The following KIF1A variants were observed in gnomAD, a reference collection of about 807,000 sequenced individuals.
KIF1A encodes the protein kinesin family member 1A, also known as kinesin-like protein KIF1A.
KIF1A carries 46 observed loss-of-function variants against 227.3 expected under a neutral mutation model. The observed-to-expected ratio is 0.20, with a 90% CI of 0.16 to 0.26. KIF1A has a LOEUF of 0.26. Among genes scored for constraint, KIF1A ranks in the 10% least tolerant of loss-of-function variants. KIF1A has a pLI of 1.00. For synonymous variants in KIF1A, 1,022 were observed against 1,012.8 expected (o/e 1.01, Z -0.17); for missense variants, 1,683 against 2,485.9 (o/e 0.68, Z 6.87).
At chr2:240,719,671 A>G (rs1206031160) in intron 46 of KIF1A, 103 bp downstream of exon 46, 8 of 1,316,234 alleles carry the variant, frequency 6.1e-6, no homozygotes, top group Non-Finnish European at 8.1e-6. Flanking sequence ...TGTCTCCCCA[A>G]GTATGAGGGT....
At chr2:240,794,252 C>T (rs1000551556) in intron 2 of KIF1A, among the ~76,000 whole-genome samples, 17 of 152,360 alleles carry the variant, frequency 1.1e-4, no homozygotes, top group Admixed American at 1.0e-3. Flanking sequence ...GACATAGCTT[C>T]CAGCACTTTC....
intron 1 of KIF1A, among the ~76,000 whole-genome samples, chr2:240,802,662 T>G (rs1177744611): frequency 2.6e-5 from 4 of 152,224 alleles, no homozygotes; most frequent in African/African-American, 9.6e-5. Context: ...TGAGACCGGG[T>G]CTCCTGTCTC....
At chr2:240,817,094 T>A (rs1559552908) in intron 1 of KIF1A, among the ~76,000 whole-genome samples, 1 of 152,206 alleles carries the variant, frequency 6.6e-6, no homozygotes, top group Non-Finnish European at 1.5e-5. Context: ...GCCAAAGGAC[T>A]GGGATGCAAA....
At chr2:240,808,150 C>T (rs1229109815) in intron 1 of KIF1A, among the ~76,000 whole-genome samples, 2 of 152,234 alleles carry the variant, frequency 1.3e-5, no homozygotes, top group Admixed American at 1.3e-4. Context: ...TCTGGCCAAA[C>T]CAGTAAGACA....
chr2:240,771,733 T>C (rs2052021347), intron 14 of KIF1A, among the ~76,000 whole-genome samples: 1 of 151,912 alleles, frequency 6.6e-6, no homozygotes, highest in East Asian at 1.9e-4. Flanking sequence ...CCCACTGACA[T>C]GGAAATTGGC....
At chr2:240,787,451 C>G in intron 4 of KIF1A, 135 bp from the exon 5 acceptor site, 2 of 742,908 alleles carry the variant, frequency 2.7e-6, no homozygotes, top group East Asian at 5.2e-5. Flanking sequence ...TCACCACACA[C>G]GTCATGGTAA....
At chr2:240,787,106 C>T (rs2055037000) in intron 5 of KIF1A, 145 bp downstream of exon 5, 15 of 685,970 alleles carry the variant, frequency 2.2e-5, no homozygotes, top group South Asian at 2.0e-4. Context: ...CCAGGCCCGC[C>T]GTCTTGCCTG....
chr2:240,765,372 CA>C (rs2051041303), intron 20 of KIF1A, among the ~76,000 whole-genome samples: 1 of 152,268 alleles, frequency 6.6e-6, no homozygotes, highest in Non-Finnish European at 1.5e-5. Context: ...CTGTATCCCC[CA>C]GACCAGCCCG....
chr2:240,740,279 G>C lies in KIF1A; in HGVS notation c.3816+19C>G. On this transcript the variant is annotated intron_variant, in intron 36 of 48. Transcript: ENST00000498729. This position sits in a 1 kb window ranked among gnomAD's most constrained non-coding sequence, Gnocchi z 6.1. The stretch of plus-strand genomic sequence containing the variant: ...GGGGGAGGGGACACAGGCAGGGTAG[G>C]GGCAAGAGGGGCTCACACCTGGTGG... 2 of 1,609,666 alleles carry C rather than the reference G, an allele frequency of 1.2e-6. No homozygotes were observed. The highest frequency in any genetic ancestry group is 1.7e-6 in the Non-Finnish European group (2 of 1,177,154).
At chr2:240,787,550 C>T (rs1316799986) in intron 4 of KIF1A, among the ~76,000 whole-genome samples, 2 of 152,308 alleles carry the variant, frequency 1.3e-5, no homozygotes, top group East Asian at 3.9e-4. Flanking sequence ...GCCCCTCCCC[C>T]TGGCTCTGCC....
rs1303500005 is a variant in KIF1A, at chr2:240,788,574, CAG to C, written c.184-346_184-345del. On this transcript the variant is annotated intron_variant, in intron 3 of 48. Transcript: ENST00000498729. The surrounding 1 kb of genome is among the most constrained non-coding windows in gnomAD (Gnocchi z 6.6). Reference sequence around the variant, plus strand: ...GGGTGACAAGAGCTGAGACTGGGGACAGGGTGCAAAGGCCCAGAGACCCCACA... The same window carrying C: ...GGGTGACAAGAGCTGAGACTGGGGACGGTGCAAAGGCCCAGAGACCCCACA... Among the ~76,000 whole-genome samples the C allele has an allele frequency of 6.6e-6, 1 of 152,064 alleles. No individual in the cohort carries two copies. The highest frequency in any genetic ancestry group is 2.4e-5 in the African/African-American group (1 of 41,398).
At chr2:240,728,304 A>G (rs1394782370) in intron 38 of KIF1A, 3 of 842,580 alleles carry the variant, frequency 3.6e-6, no homozygotes, top group East Asian at 1.3e-4. Flanking sequence ...AGGGCATAGA[A>G]GCAGGCAGAC....
intron 46 of KIF1A, 29 bp from the exon 47 acceptor site, chr2:240,719,227 G>C: frequency 6.3e-7 from 1 of 1,580,758 alleles, no homozygotes; most frequent in Non-Finnish European, 8.6e-7. Flanking sequence ...GCTCGCTGGG[G>C]CCCTCGGTGG....
Position 240,769,683 on chromosome 2 carries a change from C to A in KIF1A, c.1365G>T (p.Glu455Asp). The change falls in exon 16 of 49, where the codon GAG becomes GAT. Residue 455 changes from glutamate to aspartate, a missense_variant. By Grantham distance (45) the Glu-to-Asp change is conservative. This residue lies in a region of KIF1A where 110 missense variants were observed against 133.1 expected (regional missense o/e 0.83). Coordinates refer to ENST00000498729, the MANE Select transcript of KIF1A (RefSeq NM_001244008.2). ...GCTTCTCCTCCCAGGTCTCATTGAG[C>A]TCAGCTATGATCTTCTCTGTTTCCT... Reference protein sequence around the residue: ...RLKETEKIIAELNETWEEKLR... With the variant: ...RLKETEKIIADLNETWEEKLR... The A allele has an allele frequency of 6.2e-7, 1 of 1,613,616 alleles. No individual in the cohort carries two copies. The highest frequency in any genetic ancestry group is 8.5e-7 in the Non-Finnish European group (1 of 1,179,792).
In KIF1A at chr2:240,757,222, C is replaced by A; in HGVS notation, c.2858+97G>T. On this transcript the variant is annotated intron_variant, in intron 27 of 48. Transcript: ENST00000498729. This position sits in a 1 kb window ranked among gnomAD's most constrained non-coding sequence, Gnocchi z 6.2. ...ACCTGCCTCGCCTGCCCTGGGAGGGCCCGGGCCAGGCCCCAGCGGTTCCTC... is the reference window on the plus strand; with the variant it reads ...ACCTGCCTCGCCTGCCCTGGGAGGGACCGGGCCAGGCCCCAGCGGTTCCTC... The A allele has an allele frequency of 7.8e-7, 1 of 1,284,832 alleles. No homozygotes were observed. Among genetic ancestry groups the A allele is most frequent in the South Asian group, 1.4e-5 (1 of 70,502 alleles). 79.6% of individuals were successfully genotyped at this position (1,284,832 alleles called of 1,614,324 possible).
At chr2:240,800,240 T>C (rs924461302) in intron 1 of KIF1A, among the ~76,000 whole-genome samples, 5 of 151,986 alleles carry the variant, frequency 3.3e-5, no homozygotes, top group African/African-American at 1.2e-4. Flanking sequence ...TTCTAGAACT[T>C]GATCTTTAAA....
chr2:240,735,217 C>A (rs369934284), intron 38 of KIF1A, among the ~76,000 whole-genome samples: 2 of 152,202 alleles, frequency 1.3e-5, no homozygotes, highest in African/African-American at 4.8e-5. Context: ...CCACGCAACG[C>A]GCCTTCCTCC....
At chr2:240,728,714 C>T (rs1035163859) in intron 38 of KIF1A, among the ~76,000 whole-genome samples, 2 of 152,190 alleles carry the variant, frequency 1.3e-5, no homozygotes, top group Non-Finnish European at 2.9e-5. Flanking sequence ...GGATTTGCTC[C>T]TCTCCTGGAA....
At position 240,743,936 on chromosome 2, in the gene KIF1A, G is replaced by A. The variant is rs371009856; in HGVS notation, c.3584+6C>T. 4.6e-5 allele frequency: 74 copies of A among 1,598,466 alleles called. No homozygotes were observed. Among genetic ancestry groups the A allele is most frequent in the Non-Finnish European group, 5.2e-5 (61 of 1,166,320 alleles). On this transcript the variant is annotated splice_donor_region_variant and intron_variant, in intron 33 of 48. Transcript: ENST00000498729. The stretch of plus-strand genomic sequence containing the variant: ...AGCCCCGAACCCCCCGACCCAGGGC[G>A]CTAACCTGAGCACGTCCTTGCAGAG...
Sources: gnomAD v4.1 joint callset for allele counts (sites outside exome capture counted in the v4.1 genomes callset) on GRCh38, gnomAD v4.1.1 for gene constraint, gnomAD v4.1.1 regional missense constraint, Gnocchi (gnomAD v3.1) non-coding constraint, MANE v1.5 for transcripts, NCBI Gene and HGNC (gene_info 2026-07-23, HGNC 2026-07-21) for gene names.